Variants in TAFA1 observed in about 807,000 individuals in gnomAD.
TAFA1 encodes the protein TAFA chemokine like family member 1.
A neutral mutation model predicts 18.5 loss-of-function variants in TAFA1; 4 were observed. That is an observed-to-expected ratio of 0.22 (90% CI 0.11 to 0.49). TAFA1 has a LOEUF of 0.49. Ranked by LOEUF, TAFA1 falls within the 20% of genes least tolerant of loss-of-function variation. TAFA1 has a pLI of 0.98. For missense variants in TAFA1, 147 were observed against 169.0 expected (o/e 0.87, Z 0.72); for synonymous variants, 56 against 55.2 (o/e 1.01, Z -0.06).
chr3:68,232,743 C>G (rs2066886755), intron 2 of TAFA1, among the ~76,000 whole-genome samples: 2 of 152,096 alleles, frequency 1.3e-5, no homozygotes, highest in South Asian at 4.1e-4. Context: ...ATAGCTAGCA[C>G]TACAGGCACG....
At chr3:68,213,024 T>A (rs1297962004) in intron 2 of TAFA1, among the ~76,000 whole-genome samples, 1 of 151,784 alleles carries the variant, frequency 6.6e-6, no homozygotes, top group African/African-American at 2.4e-5. Context: ...TGGTGGTATT[T>A]TTTTTTTTTT....
At chr3:68,283,807 A>G (rs1181614849) in intron 2 of TAFA1, among the ~76,000 whole-genome samples, 1 of 152,172 alleles carries the variant, frequency 6.6e-6, no homozygotes. Flanking sequence ...GTCTGTTTTT[A>G]TCAGCCCTCA....
At chr3:68,027,163 T>G (rs1415375196) in intron 2 of TAFA1, among the ~76,000 whole-genome samples, 1 of 152,086 alleles carries the variant, frequency 6.6e-6, no homozygotes, top group Non-Finnish European at 1.5e-5. Context: ...GGAATTGCAA[T>G]TGAATATGAG....
chr3:68,006,347 A>C (rs1451736863), intron 1 of TAFA1: 1 of 380,132 alleles, frequency 2.6e-6, no homozygotes, highest in East Asian at 4.8e-5. Context: ...GCATTGTTTT[A>C]AACCGACTAA....
intron 2 of TAFA1, among the ~76,000 whole-genome samples, chr3:68,295,946 G>A (rs1213241114): frequency 6.6e-6 from 1 of 152,112 alleles, no homozygotes; most frequent in Non-Finnish European, 1.5e-5. Context: ...AGAAAGATAT[G>A]TATTATTTTT....
At chr3:68,477,742 G>T (rs749673057) in intron 3 of TAFA1, among the ~76,000 whole-genome samples, 1 of 152,154 alleles carries the variant, frequency 6.6e-6, no homozygotes, top group Non-Finnish European at 1.5e-5. Context: ...AAGCCTAACA[G>T]TGGAATTTCT....
rs201083359 is a variant in TAFA1 at position 68,424,082 on chromosome 3, T to TA, written c.259+6669dup. On this transcript the variant is annotated intron_variant, in intron 3 of 4. Transcript: ENST00000478136. ...TTTAAAACAAAACAAAACAAACAAA[T>TA]AAAAAAACCCTTTAGTTAATACAAT... 2.8e-3 allele frequency among the ~76,000 whole-genome samples: 433 copies of TA among 151,958 alleles called. 2 individuals are homozygous for TA. Among genetic ancestry groups the TA allele is most frequent in the Non-Finnish European group, 2.9e-3 (198 of 67,878 alleles).
intron 2 of TAFA1, among the ~76,000 whole-genome samples, chr3:68,102,575 C>A (rs1036995040): frequency 6.6e-6 from 1 of 152,142 alleles, no homozygotes. Flanking sequence ...AGGCTCGGAT[C>A]AGCACTCCTA....
At chr3:68,461,240 C>T (rs2071771703) in intron 3 of TAFA1, among the ~76,000 whole-genome samples, 3 of 151,566 alleles carry the variant, frequency 2.0e-5, no homozygotes, top group Admixed American at 2.0e-4. Flanking sequence ...CAAGATTGCG[C>T]CACTGCACTC....
intron 3 of TAFA1, among the ~76,000 whole-genome samples, chr3:68,530,493 T>C (rs1005222038): frequency 7.9e-5 from 12 of 152,146 alleles, no homozygotes; most frequent in African/African-American, 2.9e-4. Context: ...GAGTTGAAGA[T>C]CAAATATTTT....
chr3:68,157,658 A>G (rs562308945), intron 2 of TAFA1, among the ~76,000 whole-genome samples: 2 of 152,170 alleles, frequency 1.3e-5, no homozygotes, highest in South Asian at 2.1e-4. Flanking sequence ...ATTTCCAAAT[A>G]GGGCTGGCTT....
At position 68,497,798 on chromosome 3, in the gene TAFA1, T is replaced by C. The variant is rs1288576412; in HGVS notation, c.260-40958T>C. 3.3e-5 allele frequency among the ~76,000 whole-genome samples: 5 copies of C among 152,318 alleles called. No individual in the cohort carries two copies. In the East Asian group the frequency reaches 9.7e-4, roughly 29 times the overall value. ...CAGAATGGTTTTGTGTTTGTTCATTTGTTTCTTAGTACAGCTTTGACTGCT... is the reference window on the plus strand; with the variant it reads ...CAGAATGGTTTTGTGTTTGTTCATTCGTTTCTTAGTACAGCTTTGACTGCT... On this transcript the variant is annotated intron_variant, in intron 3 of 4. Transcript: ENST00000478136.
intron 2 of TAFA1, among the ~76,000 whole-genome samples, chr3:68,165,230 G>A (rs961558921): frequency 5.3e-5 from 8 of 152,184 alleles, no homozygotes; most frequent in Non-Finnish European, 1.0e-4. Flanking sequence ...AAAAATGTTA[G>A]TAAATTTGCA....
intron 2 of TAFA1, among the ~76,000 whole-genome samples, chr3:68,240,279 C>T (rs2066979346): frequency 6.6e-6 from 1 of 152,214 alleles, no homozygotes; most frequent in Non-Finnish European, 1.5e-5. Context: ...AGCACAGTAA[C>T]ATTGCATGTG....
intron 2 of TAFA1, among the ~76,000 whole-genome samples, chr3:68,093,432 A>C (rs1006942499): frequency 2.0e-5 from 3 of 152,104 alleles, no homozygotes; most frequent in Non-Finnish European, 4.4e-5. Context: ...CTTCCCTAGC[A>C]CACCCATGGC....
chr3:68,252,285 G>A (rs1199889218), intron 2 of TAFA1, among the ~76,000 whole-genome samples: 2 of 151,966 alleles, frequency 1.3e-5, no homozygotes, highest in African/African-American at 2.4e-5. Context: ...TCACTTCCCA[G>A]GATTCCTGAA....
chr3:68,362,682 G>A (rs1024805952), intron 2 of TAFA1, among the ~76,000 whole-genome samples: 25 of 152,084 alleles, frequency 1.6e-4, no homozygotes, highest in African/African-American at 5.8e-4. Flanking sequence ...AAGTCATAAG[G>A]AGTTTCTAAG....
At chr3:68,151,369 A>G (rs565781487) in intron 2 of TAFA1, among the ~76,000 whole-genome samples, 42 of 152,280 alleles carry the variant, frequency 2.8e-4, no homozygotes, top group Admixed American at 2.4e-3. Flanking sequence ...GCTTTTCTTG[A>G]TATTTTCCTG....
intron 3 of TAFA1, among the ~76,000 whole-genome samples, chr3:68,467,465 T>A (rs1413758870): frequency 3.3e-5 from 5 of 152,168 alleles, no homozygotes; most frequent in Non-Finnish European, 7.4e-5. Context: ...AAAGAAGAAA[T>A]TATTCAATGA....
Sources: gnomAD v4.1 joint callset for allele counts (sites outside exome capture counted in the v4.1 genomes callset) on GRCh38, gnomAD v4.1.1 for gene constraint, MANE v1.5 for transcripts, NCBI Gene and HGNC (gene_info 2026-07-23, HGNC 2026-07-21) for gene names.